The following CNTNAP2 variants were observed in gnomAD, a reference collection of about 807,000 sequenced individuals.
CNTNAP2 encodes the protein contactin-associated protein-like 2.
A neutral mutation model predicts 155.2 loss-of-function variants in CNTNAP2; 98 were observed. The ratio of observed to expected loss-of-function variants is 0.63; its 90% confidence interval spans 0.54 to 0.75. The LOEUF is 0.75. Ranked by LOEUF, CNTNAP2 falls within the 30% of genes least tolerant of loss-of-function variation. The pLI, the probability that CNTNAP2 is intolerant of heterozygous loss-of-function variation, is 0.00. For synonymous variants in CNTNAP2, 651 were observed against 631.2 expected (o/e 1.03, Z -0.47); for missense variants, 1,727 against 1,688.1 (o/e 1.02, Z -0.40).
intron 1 of CNTNAP2, among the ~76,000 whole-genome samples, chr7:146,259,090 C>G (rs1799882072): frequency 6.6e-6 from 1 of 152,140 alleles, no homozygotes; most frequent in South Asian, 2.1e-4. Flanking sequence ...CCCCTGCACG[C>G]TGTCTCTCTC....
At chr7:148,355,286 A>T (rs1798494197) in intron 21 of CNTNAP2, among the ~76,000 whole-genome samples, 2 of 141,904 alleles carry the variant, frequency 1.4e-5, no homozygotes, top group Admixed American at 7.7e-5. Flanking sequence ...GGTTCACGCC[A>T]TTCTCCTGCC....
intron 21 of CNTNAP2, among the ~76,000 whole-genome samples, chr7:148,278,451 T>A (rs1452581775): frequency 1.3e-5 from 2 of 151,696 alleles, no homozygotes; most frequent in Non-Finnish European, 2.9e-5. Context: ...TCACCTGTAG[T>A]CCCAGCTACT....
chr7:147,923,014 T>C (rs180918577), intron 14 of CNTNAP2, among the ~76,000 whole-genome samples: 9 of 151,110 alleles, frequency 6.0e-5, no homozygotes, highest in African/African-American at 2.2e-4. Flanking sequence ...TTATAAATAG[T>C]ACTAAAAAAC....
rs150762176 is a variant in CNTNAP2 at position 147,345,222 on chromosome 7, G to A, written c.1498+44932G>A. Among the ~76,000 whole-genome samples, 491 of 152,230 alleles carry A rather than the reference G, an allele frequency of 3.2e-3. 6 individuals are homozygous for A. The highest frequency in any genetic ancestry group is 0.011 in the African/African-American group (457 of 41,540). ...CTGGTATATTCTGAGTGGGTGGCAT[G>A]TTAAACCCACACAATTTTGTCATGT... On this transcript the variant is annotated intron_variant, in intron 9 of 23. Transcript: ENST00000361727.
At chr7:147,997,355 A>C (rs1801821720) in intron 15 of CNTNAP2, among the ~76,000 whole-genome samples, 1 of 151,944 alleles carries the variant, frequency 6.6e-6, no homozygotes, top group South Asian at 2.1e-4. Context: ...GGAGTTCAAG[A>C]CCAGCCTGAC....
chr7:146,774,036 C>G (rs1802343656), intron 1 of CNTNAP2, among the ~76,000 whole-genome samples: 1 of 152,094 alleles, frequency 6.6e-6, no homozygotes, highest in African/African-American at 2.4e-5. Context: ...AGGTGAAGTC[C>G]TTTGGAGTAA....
At chr7:146,924,053 C>T (rs1796558230) in intron 3 of CNTNAP2, among the ~76,000 whole-genome samples, 2 of 151,910 alleles carry the variant, frequency 1.3e-5, no homozygotes, top group South Asian at 2.1e-4. Flanking sequence ...TCTTCTGCCG[C>T]GGTTCTTGGA....
intron 1 of CNTNAP2, among the ~76,000 whole-genome samples, chr7:146,250,239 A>C (rs1799734981): frequency 6.6e-6 from 1 of 152,204 alleles, no homozygotes; most frequent in South Asian, 2.1e-4. Context: ...AATTGACTTT[A>C]AATATGTAGA....
At chr7:147,984,194 T>C (rs375910764) in intron 15 of CNTNAP2, among the ~76,000 whole-genome samples, 15 of 152,308 alleles carry the variant, frequency 9.8e-5, no homozygotes, top group African/African-American at 2.9e-4. Context: ...CTTGTCGCCA[T>C]CTTGGTTGTG....
chr7:146,947,557 G>GTGTGTA (rs1472982138), intron 3 of CNTNAP2, among the ~76,000 whole-genome samples: 19 of 50,714 alleles, frequency 3.7e-4, no homozygotes, highest in African/African-American at 1.1e-3. Context: ...GTGTGTGTGT[G>GTGTGTA]TATATATATA....
At chr7:146,975,015 C>A (rs985094486) in intron 3 of CNTNAP2, among the ~76,000 whole-genome samples, 1 of 151,988 alleles carries the variant, frequency 6.6e-6, no homozygotes, top group Non-Finnish European at 1.5e-5. Context: ...GTATATTCAC[C>A]AGGTATACGT....
In CNTNAP2 at chr7:146,929,778, A is replaced by T. The variant is rs1796704847; in HGVS notation, c.402+89874A>T. Among the ~76,000 whole-genome samples, 5 of 152,252 alleles carry T rather than the reference A, an allele frequency of 3.3e-5. No homozygotes were observed. The South Asian group carries it at 1.0e-3, about 31-fold the overall frequency. On this transcript the variant is annotated intron_variant, in intron 3 of 23. Transcript: ENST00000361727. ...TGGAGCTGAAAGCCAAGGCTCGAGAACTACGTGAAGAATGCAGAAGCCTCA... is the reference window on the plus strand; with the variant it reads ...TGGAGCTGAAAGCCAAGGCTCGAGATCTACGTGAAGAATGCAGAAGCCTCA...
rs188162790 is a variant in CNTNAP2, at chr7:146,198,385, A to G, written c.97+81412A>G. Reference sequence around the variant, plus strand: ...ATATATGACTGGAACGATTAACTCAAAAGTGAATGACTTATTCGTTATATT... The same window carrying G: ...ATATATGACTGGAACGATTAACTCAGAAGTGAATGACTTATTCGTTATATT... On this transcript the variant is annotated intron_variant, in intron 1 of 23. Transcript: ENST00000361727. 3.3e-4 allele frequency among the ~76,000 whole-genome samples: 51 copies of G among 152,316 alleles called. 1 individual carries two copies. In the East Asian group the frequency reaches 9.5e-3, roughly 28 times the overall value.
intron 1 of CNTNAP2, among the ~76,000 whole-genome samples, chr7:146,460,382 A>G (rs1024904779): frequency 7.6e-6 from 1 of 131,320 alleles, no homozygotes; most frequent in Non-Finnish European, 1.6e-5. Flanking sequence ...TTCACAAAAA[A>G]TTAAAAATAG....
At chr7:146,569,940 A>G (rs1798415891) in intron 1 of CNTNAP2, among the ~76,000 whole-genome samples, 1 of 152,194 alleles carries the variant, frequency 6.6e-6, no homozygotes, top group Non-Finnish European at 1.5e-5. Flanking sequence ...TGGATCTGAC[A>G]GTAGTTAAAT....
intron 1 of CNTNAP2, among the ~76,000 whole-genome samples, chr7:146,645,737 G>T (rs1050686848): frequency 6.6e-6 from 1 of 152,008 alleles, no homozygotes; most frequent in African/African-American, 2.4e-5. Context: ...TCTTAAGTCA[G>T]ATCTGTGGAG....
intron 13 of CNTNAP2, among the ~76,000 whole-genome samples, chr7:147,711,798 A>T (rs549362590): frequency 6.6e-6 from 1 of 152,178 alleles, no homozygotes; most frequent in Non-Finnish European, 1.5e-5. Context: ...TCTGCAACAT[A>T]AATACTGTAC....
intron 1 of CNTNAP2, among the ~76,000 whole-genome samples, chr7:146,697,391 C>T (rs776271584): frequency 6.6e-6 from 1 of 152,040 alleles, no homozygotes; most frequent in African/African-American, 2.4e-5. Flanking sequence ...GCATGTGCCA[C>T]CACACCGGGT....
chr7:148,094,091 G>A (rs973608381), intron 15 of CNTNAP2, among the ~76,000 whole-genome samples: 1 of 152,186 alleles, frequency 6.6e-6, no homozygotes, highest in African/African-American at 2.4e-5. Flanking sequence ...AAACTAGGCA[G>A]TGGAGAAAGG....
Sources: gnomAD v4.1 joint callset for allele counts (sites outside exome capture counted in the v4.1 genomes callset) on GRCh38, gnomAD v4.1.1 for gene constraint, MANE v1.5 for transcripts, NCBI Gene and HGNC (gene_info 2026-07-23, HGNC 2026-07-21) for gene names.